Variants in GABRG2 observed in about 807,000 individuals in gnomAD.
The protein encoded by GABRG2 is gamma-aminobutyric acid type A receptor subunit gamma2, also known as gamma-aminobutyric acid receptor subunit gamma-2.
Under a neutral mutation model 56.4 loss-of-function variants are expected in GABRG2, and 16 were observed. The ratio of observed to expected loss-of-function variants is 0.28; its 90% CI spans 0.19 to 0.43. The LOEUF is 0.43. Among genes scored for constraint, GABRG2 ranks in the 20% least tolerant of loss-of-function variants. The probability of loss-of-function intolerance (pLI) is 1.00; values close to 1 mark genes in which losing one functional copy is unlikely to be tolerated. For missense variants in GABRG2, 327 were observed against 582.7 expected (o/e 0.56, Z 4.52); for synonymous variants, 208 against 205.5 (o/e 1.01, Z -0.10).
At chr5:162,102,638 C>T (rs1168291631) in intron 5 of GABRG2, 2 of 453,070 alleles carry the variant, frequency 4.4e-6, no homozygotes, top group Non-Finnish European at 8.8e-6. Flanking sequence ...TCAACTGATC[C>T]TCCCACCTTG....
chr5:162,124,192 A>G (rs1174445037), intron 6 of GABRG2, among the ~76,000 whole-genome samples: 2 of 151,914 alleles, frequency 1.3e-5, no homozygotes, highest in East Asian at 3.9e-4. Context: ...TGGCGGAATG[A>G]CCAAGTGTTT....
chr5:162,086,861 CT>C lies in GABRG2; in HGVS notation c.108-6966del, dbSNP rs1430327592. Among the ~76,000 whole-genome samples, 7 of 152,016 alleles carry C rather than the reference CT, an allele frequency of 4.6e-5. No homozygotes were observed. The East Asian group carries it at 1.4e-3, about 29-fold the overall frequency. On this transcript the variant is annotated intron_variant, in intron 1 of 9. Transcript: ENST00000639213. ...ATCAATTTTACTGTTGACTTGAGTT[CT>C]ATTTTTTCCTGTATGTGACAAATAA...
chr5:162,129,435 C>G (rs1763564942), intron 6 of GABRG2, among the ~76,000 whole-genome samples: 1 of 151,592 alleles, frequency 6.6e-6, no homozygotes, highest in Non-Finnish European at 1.5e-5. Flanking sequence ...CAACTAGATT[C>G]TCAAGATTAT....
chr5:162,111,866 C>A (rs1400323786), intron 6 of GABRG2, among the ~76,000 whole-genome samples: 14 of 152,034 alleles, frequency 9.2e-5, no homozygotes, highest in Admixed American at 9.2e-4. Flanking sequence ...GAAGTATTAG[C>A]ACTTAATATG....
intron 7 of GABRG2, among the ~76,000 whole-genome samples, chr5:162,143,292 T>G (rs1275700759): frequency 6.6e-6 from 1 of 152,206 alleles, no homozygotes; most frequent in Non-Finnish European, 1.5e-5. Context: ...TTTGAAGTAA[T>G]CGGCTCTTTA....
At chr5:162,076,263 C>T (rs1759097769) in intron 1 of GABRG2, among the ~76,000 whole-genome samples, 1 of 152,102 alleles carries the variant, frequency 6.6e-6, no homozygotes, top group Non-Finnish European at 1.5e-5. Flanking sequence ...ATTTTTGTTA[C>T]TCTTATTGTT....
intron 1 of GABRG2, among the ~76,000 whole-genome samples, chr5:162,084,520 T>C (rs1229690429): frequency 6.6e-6 from 1 of 151,846 alleles, no homozygotes; most frequent in Non-Finnish European, 1.5e-5. Flanking sequence ...ATTAGCTGAA[T>C]ACCAAAGTCT....
chr5:162,096,697 A>C (rs1339367008), intron 3 of GABRG2, among the ~76,000 whole-genome samples: 1 of 151,628 alleles, frequency 6.6e-6, no homozygotes, highest in Non-Finnish European at 1.5e-5. Context: ...AATGTGATTG[A>C]GGCAAAAGAC....
intron 6 of GABRG2, among the ~76,000 whole-genome samples, chr5:162,130,302 G>A (rs1763646081): frequency 6.6e-6 from 1 of 151,892 alleles, no homozygotes; most frequent in African/African-American, 2.4e-5. Flanking sequence ...ATTCCCAGGA[G>A]TGATTTGACA....
chr5:162,111,803 A>T (rs1026716719), intron 6 of GABRG2, among the ~76,000 whole-genome samples: 3 of 152,184 alleles, frequency 2.0e-5, no homozygotes, highest in Non-Finnish European at 4.4e-5. Context: ...GAATTAAAAT[A>T]AAAACTATTC....
At chr5:162,127,984 G>A (rs1280135175) in intron 6 of GABRG2, among the ~76,000 whole-genome samples, 1 of 152,028 alleles carries the variant, frequency 6.6e-6, no homozygotes, top group Non-Finnish European at 1.5e-5. Flanking sequence ...TATGCAGGAG[G>A]TGGAAAGCAA....
At chr5:162,073,897 G>C (rs1026062475) in intron 1 of GABRG2, among the ~76,000 whole-genome samples, 1 of 151,910 alleles carries the variant, frequency 6.6e-6, no homozygotes, top group Non-Finnish European at 1.5e-5. Context: ...ACTTCTTCAA[G>C]GATCCTTTAC....
intron 1 of GABRG2, among the ~76,000 whole-genome samples, chr5:162,090,758 T>A (rs1760508230): frequency 1.3e-5 from 2 of 152,122 alleles, no homozygotes; most frequent in Non-Finnish European, 2.9e-5. Context: ...CTAAAGGCCA[T>A]TCCATGTAGA....
At chr5:162,090,690 T>G (rs909716169) in intron 1 of GABRG2, among the ~76,000 whole-genome samples, 3 of 152,204 alleles carry the variant, frequency 2.0e-5, no homozygotes, top group Admixed American at 2.0e-4. Flanking sequence ...TAATTTCAGT[T>G]ATTTTCCTCT....
At chr5:162,088,657 A>G (rs1760318756) in intron 1 of GABRG2, among the ~76,000 whole-genome samples, 1 of 152,058 alleles carries the variant, frequency 6.6e-6, no homozygotes, top group South Asian at 2.1e-4. Flanking sequence ...GGATGATCTT[A>G]TTGTTTAATG....
intron 6 of GABRG2, among the ~76,000 whole-genome samples, chr5:162,128,742 G>A (rs1763514467): frequency 6.6e-6 from 1 of 151,810 alleles, no homozygotes; most frequent in African/African-American, 2.4e-5. Flanking sequence ...TGAAGAAGTT[G>A]GTATCTAAAT....
chr5:162,112,170 A>G (rs1762295802), intron 6 of GABRG2, among the ~76,000 whole-genome samples: 1 of 152,176 alleles, frequency 6.6e-6, no homozygotes, highest in Non-Finnish European at 1.5e-5. Context: ...GAGAGAATAT[A>G]TAATGAAAGG....
intron 1 of GABRG2, among the ~76,000 whole-genome samples, chr5:162,070,665 G>A (rs1327644619): frequency 1.3e-5 from 2 of 151,936 alleles, no homozygotes; most frequent in African/African-American, 4.8e-5. Context: ...ATCGTAGTGA[G>A]AATATTAATA....
intron 1 of GABRG2, among the ~76,000 whole-genome samples, chr5:162,082,787 A>C (rs1759767479): frequency 6.7e-6 from 1 of 149,974 alleles, no homozygotes; most frequent in Non-Finnish European, 1.5e-5. Flanking sequence ...AGGAAGGAGG[A>C]ACAAGAACAG....
Sources: gnomAD v4.1 joint callset for allele counts (sites outside exome capture counted in the v4.1 genomes callset) on GRCh38, gnomAD v4.1.1 for gene constraint, MANE v1.5 for transcripts, NCBI Gene and HGNC (gene_info 2026-07-23, HGNC 2026-07-21) for gene names.